TPRG1: variants seen among roughly 807,000 people sequenced by gnomAD.
TPRG1 encodes the protein tumor protein p63 regulated 1, also known as tumor protein p63-regulated gene 1 protein.
Under a neutral mutation model 29.3 loss-of-function variants are expected in TPRG1, and 29 were observed. The observed-to-expected ratio is 0.99, with a 90% CI of 0.74 to 1.35. The LOEUF is 1.35. Among genes scored for constraint, TPRG1 ranks in the 40% most tolerant of loss-of-function variants. TPRG1 has a pLI of 0.00. For synonymous variants in TPRG1, 130 were observed against 116.8 expected, an observed-to-expected ratio of 1.11 and a Z score of -0.73; for missense variants, 327 against 335.0, an observed-to-expected ratio of 0.98 and a Z score of 0.19.
intron 4 of TPRG1, among the ~76,000 whole-genome samples, chr3:189,307,249 C>A (rs1348235132): frequency 6.6e-6 from 1 of 152,138 alleles, no homozygotes; most frequent in Non-Finnish European, 1.5e-5. Flanking sequence ...GTCTCAAACT[C>A]CTGACCTCAG....
chr3:189,253,405 C>A (rs1434330523), intron 4 of TPRG1, among the ~76,000 whole-genome samples: 2 of 152,300 alleles, frequency 1.3e-5, no homozygotes, highest in Non-Finnish European at 1.5e-5. Flanking sequence ...CCAGCTTCAT[C>A]CATGTGCCTG....
chr3:189,237,096 G>A (rs999392868), intron 3 of TPRG1, among the ~76,000 whole-genome samples: 3 of 152,186 alleles, frequency 2.0e-5, no homozygotes, highest in African/African-American at 7.2e-5. Flanking sequence ...TACAGAGTTA[G>A]TAAGTGATAA....
At chr3:189,184,354 T>C (rs1013446573) in intron 1 of TPRG1, among the ~76,000 whole-genome samples, 1 of 152,214 alleles carries the variant, frequency 6.6e-6, no homozygotes, top group Non-Finnish European at 1.5e-5. Flanking sequence ...ATTGTCAATA[T>C]TGGTATCCTT....
chr3:189,013,647 G>T (rs969910725), intron 3 of TPRG1, among the ~76,000 whole-genome samples: 2 of 151,992 alleles, frequency 1.3e-5, no homozygotes, highest in African/African-American at 4.8e-5. Flanking sequence ...TTATTGTGTG[G>T]GATTTGAGGT....
At chr3:189,105,567 G>A (rs1719720468) in intron 1 of TPRG1, among the ~76,000 whole-genome samples, 1 of 151,602 alleles carries the variant, frequency 6.6e-6, no homozygotes, top group Admixed American at 6.6e-5. Context: ...TGGTAGGTAT[G>A]TGGGGTCAAG....
At chr3:189,022,935 A>C (rs560125424) in intron 3 of TPRG1, among the ~76,000 whole-genome samples, 10 of 152,266 alleles carry the variant, frequency 6.6e-5, no homozygotes, top group East Asian at 5.8e-4. Context: ...CATGGTGCGC[A>C]GTTTTTTAAG....
intron 3 of TPRG1, among the ~76,000 whole-genome samples, chr3:189,235,704 G>T (rs1739351408): frequency 6.6e-6 from 1 of 152,046 alleles, no homozygotes; most frequent in African/African-American, 2.4e-5. Flanking sequence ...CACACTGAAG[G>T]GTCCACTTTT....
chr3:189,314,100 AAGGTTTC>A (rs1723111297), intron 5 of TPRG1, among the ~76,000 whole-genome samples: 2 of 152,218 alleles, frequency 1.3e-5, no homozygotes, highest in African/African-American at 4.8e-5. Context: ...CAAAGATGAC[AAGGTTTC>A]AGGATTGGGT....
At chr3:189,087,994 T>C (rs1718073392) in intron 4 of TPRG1, among the ~76,000 whole-genome samples, 1 of 150,624 alleles carries the variant, frequency 6.6e-6, no homozygotes, top group Non-Finnish European at 1.5e-5. Flanking sequence ...ATGCGGGATT[T>C]TTTTGGTTCC....
intron 4 of TPRG1, among the ~76,000 whole-genome samples, chr3:189,046,767 C>G (rs901078756): frequency 1.3e-5 from 2 of 152,160 alleles, no homozygotes; most frequent in African/African-American, 4.8e-5. Flanking sequence ...TTGCATTATA[C>G]TTTTCCTATA....
chr3:189,138,738 T>G (rs1255739945), intron 3 of TPRG1, among the ~76,000 whole-genome samples: 1 of 152,162 alleles, frequency 6.6e-6, no homozygotes, highest in East Asian at 1.9e-4. Flanking sequence ...GAGAACACAT[T>G]GTTAAGCAGA....
intron 3 of TPRG1, among the ~76,000 whole-genome samples, chr3:189,020,148 GTCTA>G (rs752063376): frequency 1.8e-3 from 270 of 151,684 alleles, no homozygotes; most frequent in Admixed American, 3.3e-3. Context: ...CTTGCTAGCG[GTCTA>G]TCTATTTTGT....
chr3:189,274,976 G>GTGTGTGTA, intron 4 of TPRG1, among the ~76,000 whole-genome samples: 1 of 145,868 alleles, frequency 6.9e-6, no homozygotes, highest in East Asian at 2.0e-4. Context: ...GTGTGTGTGT[G>GTGTGTGTA]TGTATGAAGT....
At chr3:189,144,078 C>T (rs561312749) in intron 3 of TPRG1, among the ~76,000 whole-genome samples, 28 of 152,146 alleles carry the variant, frequency 1.8e-4, no homozygotes, top group South Asian at 4.1e-4. Context: ...TGTTTTACTA[C>T]GATTTTAAAA....
At chr3:189,060,455 A>G (rs1243573148) in intron 4 of TPRG1, among the ~76,000 whole-genome samples, 1 of 152,170 alleles carries the variant, frequency 6.6e-6, no homozygotes, top group Non-Finnish European at 1.5e-5. Flanking sequence ...GAATCAGGTA[A>G]GAGAAAGAAA....
chr3:189,025,558 TGTG>T (rs1713612789), intron 4 of TPRG1, among the ~76,000 whole-genome samples: 1 of 152,182 alleles, frequency 6.6e-6, no homozygotes, highest in African/African-American at 2.4e-5. Flanking sequence ...TCAACTGGCT[TGTG>T]GATGTATCTT....
rs1053213414 is a variant in TPRG1, at chr3:189,051,482, G to T, written c.-463+27536G>T. ...AATGGAAACACATTCCATTCTCATG[G>T]ATGGGTAGAATCAATATTGTGAAAA... On this transcript the variant is annotated intron_variant, in intron 4 of 10. Coordinates refer to the TPRG1 transcript ENST00000433971. Among the ~76,000 whole-genome samples the T allele has an allele frequency of 3.9e-5, 6 of 152,104 alleles. No individual in the cohort carries two copies. In the East Asian group the frequency reaches 9.6e-4, roughly 24 times the overall value.
chr3:189,036,277 T>G (rs890727591), intron 4 of TPRG1, among the ~76,000 whole-genome samples: 2 of 152,004 alleles, frequency 1.3e-5, no homozygotes, highest in Non-Finnish European at 2.9e-5. Flanking sequence ...GAGGGTAGAA[T>G]GGGGCTAGGG....
At chr3:189,277,417 T>C (rs910040470) in intron 4 of TPRG1, among the ~76,000 whole-genome samples, 2 of 152,204 alleles carry the variant, frequency 1.3e-5, no homozygotes, top group East Asian at 1.9e-4. Context: ...GGTGGTCTGA[T>C]AGTTTGGTGG....
Sources: allele counts gnomAD v4.1 joint callset (sites outside exome capture counted in the v4.1 genomes callset), GRCh38; gene constraint gnomAD v4.1.1; transcripts MANE v1.5; gene names NCBI Gene and HGNC (gene_info 2026-07-23, HGNC 2026-07-21).